The following MACROD2 variants were observed in gnomAD, a reference collection of about 807,000 sequenced individuals.
The protein encoded by MACROD2 is ADP-ribose glycohydrolase MACROD2.
In MACROD2, 36 loss-of-function variants were observed where a neutral mutation model predicts 70.4. The ratio of observed to expected loss-of-function variants is 0.51; its 90% confidence interval spans 0.39 to 0.68. The LOEUF (loss-of-function observed/expected upper bound fraction) is 0.68. Among genes scored for constraint, MACROD2 ranks in the 30% least tolerant of loss-of-function variants. MACROD2 has a pLI of 0.00. For missense variants in MACROD2, 496 were observed against 538.4 expected (o/e 0.92, Z 0.78); for synonymous variants, 172 against 178.8 (o/e 0.96, Z 0.30).
At chr20:14,264,000 C>T (rs1407559594) in intron 3 of MACROD2, among the ~76,000 whole-genome samples, 1 of 149,404 alleles carries the variant, frequency 6.7e-6, no homozygotes, top group African/African-American at 2.5e-5. Context: ...CACACACACA[C>T]ACACACACAC....
intron 9 of MACROD2, among the ~76,000 whole-genome samples, chr20:15,874,411 A>C (rs965783932): frequency 6.6e-6 from 1 of 152,018 alleles, no homozygotes; most frequent in African/African-American, 2.4e-5. Flanking sequence ...ATGATTTATA[A>C]TCCTTTGGGT....
chr20:14,404,972 A>G (rs1212891285), intron 3 of MACROD2, among the ~76,000 whole-genome samples: 2 of 152,164 alleles, frequency 1.3e-5, no homozygotes, highest in Admixed American at 1.3e-4. Flanking sequence ...AAAAAAATAT[A>G]TATTCCAGGC....
chr20:14,456,550 A>G (rs1312748265), intron 3 of MACROD2, among the ~76,000 whole-genome samples: 1 of 151,744 alleles, frequency 6.6e-6, no homozygotes, highest in Admixed American at 6.6e-5. Flanking sequence ...TTACACTTAG[A>G]CATTTCTAGG....
intron 5 of MACROD2, among the ~76,000 whole-genome samples, chr20:15,055,797 C>CTT (rs11482233): frequency 0.031 from 4,303 of 136,754 alleles, 232 homozygotes; most frequent in African/African-American, 0.11. Flanking sequence ...AAAGCAACAT[C>CTT]TTTTTTTTTT....
chr20:15,900,123 C>T (rs562006493), intron 10 of MACROD2, among the ~76,000 whole-genome samples: 1 of 152,056 alleles, frequency 6.6e-6, no homozygotes, highest in Non-Finnish European at 1.5e-5. Flanking sequence ...GCATTATATT[C>T]ATAAGCACGA....
At position 13,995,869 on chromosome 20, in the gene MACROD2, T is replaced by TTGGGGGGGGGGGGGGGGGA; in HGVS notation, c.46+60_46+61insTGGGGGGGGGGGGGGGGGA. 8.2e-7 allele frequency: 1 copy of TTGGGGGGGGGGGGGGGGGA among 1,214,984 alleles called. No homozygotes were observed. Among genetic ancestry groups the TTGGGGGGGGGGGGGGGGGA allele is most frequent in the Non-Finnish European group, 1.2e-6 (1 of 845,300 alleles). The allele number at this position is 1,214,984 out of a possible 1,614,324, so 75.3% of individuals were successfully genotyped here. ...GTGGGGGTTAGGGTGGGGGCGGGGG[T>TTGGGGGGGGGGGGGGGGGA]CAGGCTGTGTGTGCCGCGGCGCCCT... On this transcript the variant is annotated intron_variant, in intron 1 of 17. Transcript: ENST00000684519. This position sits in a 1 kb window ranked among gnomAD's most constrained non-coding sequence, Gnocchi z 4.3.
At chr20:15,584,549 T>A (rs2048570200) in intron 8 of MACROD2, among the ~76,000 whole-genome samples, 1 of 152,182 alleles carries the variant, frequency 6.6e-6, no homozygotes, top group Non-Finnish European at 1.5e-5. Flanking sequence ...AGAAAAACCC[T>A]AAGCAAATAA....
intron 5 of MACROD2, among the ~76,000 whole-genome samples, chr20:15,194,186 C>T (rs1274642380): frequency 8.2e-6 from 1 of 121,948 alleles, no homozygotes; most frequent in East Asian, 2.8e-4. Flanking sequence ...GCAGAGGTTA[C>T]AGTGAGCTGA....
chr20:15,504,782 C>A (rs2047405353), intron 8 of MACROD2, among the ~76,000 whole-genome samples: 1 of 152,132 alleles, frequency 6.6e-6, no homozygotes, highest in Non-Finnish European at 1.5e-5. Flanking sequence ...CACCATTTTT[C>A]TCAAGTAGTA....
intron 8 of MACROD2, among the ~76,000 whole-genome samples, chr20:15,823,673 T>C (rs952584508): frequency 2.0e-5 from 3 of 152,224 alleles, no homozygotes; most frequent in Non-Finnish European, 4.4e-5. Context: ...GACTTGCATC[T>C]TCAGTAACAC....
intron 5 of MACROD2, among the ~76,000 whole-genome samples, chr20:14,957,552 T>G (rs1433620874): frequency 6.6e-6 from 1 of 152,084 alleles, no homozygotes; most frequent in Non-Finnish European, 1.5e-5. Flanking sequence ...GCAGCTCTAA[T>G]CGATTGGTAA....
chr20:14,022,271 TA>T (rs1190613682), intron 2 of MACROD2, among the ~76,000 whole-genome samples: 1 of 152,164 alleles, frequency 6.6e-6, no homozygotes, highest in Non-Finnish European at 1.5e-5. Flanking sequence ...TTTCTTAGAA[TA>T]AAGTATTATT....
intron 4 of MACROD2, among the ~76,000 whole-genome samples, chr20:14,607,984 G>T (rs1982912915): frequency 6.6e-6 from 1 of 152,088 alleles, no homozygotes. Flanking sequence ...CAGGTGTGGT[G>T]GCTCACACCT....
chr20:14,450,973 G>C (rs1475450169), intron 3 of MACROD2, among the ~76,000 whole-genome samples: 1 of 152,074 alleles, frequency 6.6e-6, no homozygotes, highest in Non-Finnish European at 1.5e-5. Context: ...ACCATAGAAA[G>C]GGGTCAATAT....
At chr20:14,612,565 A>G (rs1322125726) in intron 4 of MACROD2, among the ~76,000 whole-genome samples, 1 of 152,132 alleles carries the variant, frequency 6.6e-6, no homozygotes, top group Non-Finnish European at 1.5e-5. Flanking sequence ...CAGTATAAAA[A>G]TAAGATTGCA....
chr20:14,814,302 CAGCCAGG>C (rs1447402504), intron 5 of MACROD2, among the ~76,000 whole-genome samples: 13 of 152,068 alleles, frequency 8.5e-5, no homozygotes, highest in Non-Finnish European at 1.6e-4. Context: ...CAGCTGGTCA[CAGCCAGG>C]AGCCACATAT....
intron 5 of MACROD2, among the ~76,000 whole-genome samples, chr20:15,059,410 AAAAAG>A (rs1303861317): frequency 1.3e-5 from 2 of 152,176 alleles, no homozygotes; most frequent in African/African-American, 4.8e-5. Flanking sequence ...AAAAAGAAAA[AAAAAG>A]AAAAGAATTC....
intron 5 of MACROD2, among the ~76,000 whole-genome samples, chr20:14,736,105 G>A (rs2071661923): frequency 1.3e-5 from 2 of 152,090 alleles, no homozygotes; most frequent in Non-Finnish European, 2.9e-5. Flanking sequence ...ATGGATAAAG[G>A]AAATGTCTCA....
chr20:14,575,935 A>G (rs1406545955), intron 4 of MACROD2, among the ~76,000 whole-genome samples: 1 of 152,346 alleles, frequency 6.6e-6, no homozygotes, highest in East Asian at 1.9e-4. Flanking sequence ...TATAGAACTT[A>G]TTTGAAGAGA....
Sources: gnomAD v4.1 joint callset for allele counts (sites outside exome capture counted in the v4.1 genomes callset) on GRCh38, gnomAD v4.1.1 for gene constraint, Gnocchi (gnomAD v3.1) non-coding constraint, MANE v1.5 for transcripts, NCBI Gene and HGNC (gene_info 2026-07-23, HGNC 2026-07-21) for gene names.